POU6F2: variants seen among roughly 807,000 people sequenced by gnomAD.
POU6F2 encodes POU domain, class 6, transcription factor 2.
POU6F2 carries 31 observed loss-of-function variants against 71.3 expected under a neutral mutation model. The ratio of observed to expected loss-of-function variants is 0.43; its 90% CI spans 0.33 to 0.59. The LOEUF (loss-of-function observed/expected upper bound fraction) is 0.59, where lower values mean the gene tolerates loss of function less well. Ranked by LOEUF, POU6F2 falls within the 20% of genes least tolerant of loss-of-function variation. POU6F2 has a pLI of 0.04. For synonymous variants in POU6F2, 347 were observed against 355.7 expected (o/e 0.98, Z 0.27); for missense variants, 783 against 856.8 (o/e 0.91, Z 1.07).
chr7:39,117,333 A>G (rs767486305), intron 2 of POU6F2, among the ~76,000 whole-genome samples: 7 of 152,174 alleles, frequency 4.6e-5, no homozygotes, highest in Non-Finnish European at 1.0e-4. Flanking sequence ...ACCAGCTCCC[A>G]TATTGATACT....
intron 1 of POU6F2, among the ~76,000 whole-genome samples, chr7:39,021,386 A>G (rs979459344): frequency 1.3e-5 from 2 of 151,920 alleles, no homozygotes; most frequent in African/African-American, 2.4e-5. Flanking sequence ...TTCTAATGGC[A>G]AGATCGAAAC....
Position 39,436,188 on chromosome 7 carries a change from C to T in POU6F2, c.1320+2905C>T, listed in dbSNP as rs370626897. ...GTCAGTGGTAGTTTGATGGGTATAG[C>T]GTTGAATCTATAAATTACTCTGGGC... On this transcript the variant is annotated intron_variant, in intron 7 of 9. Transcript: ENST00000518318. Among the ~76,000 whole-genome samples the T allele has an allele frequency of 6.6e-4, 101 of 152,212 alleles. 2 individuals carry two copies. The South Asian group carries it at 0.018, about 27-fold the overall frequency.
At chr7:39,006,269 G>T (rs1305408628) in intron 1 of POU6F2, among the ~76,000 whole-genome samples, 1 of 152,120 alleles carries the variant, frequency 6.6e-6, no homozygotes, top group Non-Finnish European at 1.5e-5. Flanking sequence ...TTTGAGGCCA[G>T]CCTGGCCAAC....
intron 6 of POU6F2, among the ~76,000 whole-genome samples, chr7:39,411,238 C>T (rs1283476243): frequency 6.6e-6 from 1 of 152,100 alleles, no homozygotes; most frequent in Non-Finnish European, 1.5e-5. Flanking sequence ...TATATATGTG[C>T]TCTTAACACT....
chr7:38,978,722 G>A (rs944173780), intron 1 of POU6F2, among the ~76,000 whole-genome samples: 4 of 152,146 alleles, frequency 2.6e-5, no homozygotes, highest in Non-Finnish European at 5.9e-5. Flanking sequence ...TCCATTTAGT[G>A]CCTCCTCCTT....
chr7:39,418,949 A>G (rs1327771800), intron 6 of POU6F2, among the ~76,000 whole-genome samples: 2 of 134,708 alleles, frequency 1.5e-5, no homozygotes, highest in African/African-American at 5.8e-5. Context: ...GTATATATGT[A>G]TATATGTATA....
chr7:39,320,262 C>A (rs1247267667), intron 4 of POU6F2, among the ~76,000 whole-genome samples: 1 of 152,178 alleles, frequency 6.6e-6, no homozygotes, highest in East Asian at 1.9e-4. Context: ...GTCAGAAGAC[C>A]TACCTCTCCC....
chr7:39,456,106 A>C (rs948196573), intron 8 of POU6F2, among the ~76,000 whole-genome samples: 1 of 152,170 alleles, frequency 6.6e-6, no homozygotes. Flanking sequence ...CTTCTATAAA[A>C]GATGTCATTT....
chr7:39,217,805 G>T (rs1319519940), intron 4 of POU6F2, among the ~76,000 whole-genome samples: 1 of 152,086 alleles, frequency 6.6e-6, no homozygotes, highest in Admixed American at 6.5e-5. Flanking sequence ...AAAATACCTG[G>T]AGAGCCTGTT....
intron 1 of POU6F2, among the ~76,000 whole-genome samples, chr7:38,994,723 G>T (rs1272730930): frequency 6.6e-6 from 1 of 150,682 alleles, no homozygotes. Context: ...TCCCCTCCCT[G>T]GTTCCCTGGT....
intron 4 of POU6F2, among the ~76,000 whole-genome samples, chr7:39,238,690 C>T (rs1026335066): frequency 6.6e-6 from 1 of 152,140 alleles, no homozygotes; most frequent in African/African-American, 2.4e-5. Flanking sequence ...CTATTGTGAC[C>T]ATGCCCTGTT....
chr7:39,031,004 G>A (rs992763946), intron 1 of POU6F2, among the ~76,000 whole-genome samples: 2 of 151,974 alleles, frequency 1.3e-5, no homozygotes, highest in Non-Finnish European at 2.9e-5. Context: ...GGGTTCAAGC[G>A]ATTCTCCTGC....
intron 1 of POU6F2, among the ~76,000 whole-genome samples, chr7:38,998,838 T>TTTTTTTTTTCCG (rs869182741): frequency 7.1e-6 from 1 of 141,330 alleles, no homozygotes. Context: ...TTTTTTTTTT[T>TTTTTTTTTTCCG]TATTTTCAGT....
At chr7:38,993,580 TCAA>T (rs72116621) in intron 1 of POU6F2, among the ~76,000 whole-genome samples, 4 of 100,438 alleles carry the variant, frequency 4.0e-5, no homozygotes, top group African/African-American at 6.8e-5. Flanking sequence ...CTGACACTGA[TCAA>T]CACTGATATT....
intron 5 of POU6F2, among the ~76,000 whole-genome samples, chr7:39,398,756 A>G (rs545005278): frequency 5.3e-5 from 8 of 152,332 alleles, no homozygotes; most frequent in Non-Finnish European, 8.8e-5. Flanking sequence ...ATCCTAAAAC[A>G]GCAATATGAC....
intron 7 of POU6F2, among the ~76,000 whole-genome samples, chr7:39,444,321 C>T (rs1340310104): frequency 5.3e-5 from 8 of 152,204 alleles, no homozygotes; most frequent in African/African-American, 9.6e-5. Flanking sequence ...CAGTGGCTCG[C>T]GCCTATAATC....
At chr7:39,430,546 GACTTGT>G (rs1788075959) in intron 6 of POU6F2, among the ~76,000 whole-genome samples, 1 of 152,228 alleles carries the variant, frequency 6.6e-6, no homozygotes, top group Non-Finnish European at 1.5e-5. Flanking sequence ...AGAGGCTGAT[GACTTGT>G]TTGCATTTGC....
chr7:39,050,568 T>G (rs1385817716), intron 1 of POU6F2, among the ~76,000 whole-genome samples: 2 of 152,164 alleles, frequency 1.3e-5, no homozygotes, highest in Non-Finnish European at 2.9e-5. Flanking sequence ...AAACTTCTGG[T>G]TGGCCCATTA....
rs974676122 is a variant in POU6F2 at position 39,067,901 on chromosome 7, T to A, written c.106-17959T>A. Among the ~76,000 whole-genome samples the A allele has an allele frequency of 3.9e-5, 6 of 152,018 alleles. No homozygotes were observed. The South Asian group carries it at 8.3e-4, about 21-fold the overall frequency. On this transcript the variant is annotated intron_variant, in intron 1 of 9. Transcript: ENST00000518318. ...TTCCATCTAATAGGTTAGAAAAAAA[T>A]TTTAAGGATAATACAAAAGAGAGGC...
Sources: allele counts gnomAD v4.1 joint callset (sites outside exome capture counted in the v4.1 genomes callset), GRCh38; gene constraint gnomAD v4.1.1; transcripts MANE v1.5; gene names NCBI Gene and HGNC (gene_info 2026-07-23, HGNC 2026-07-21).